Variants in FGF12 observed in about 807,000 individuals in gnomAD.
The protein encoded by FGF12 is fibroblast growth factor 12B.
FGF12 carries 14 observed loss-of-function variants against 23.6 expected under a neutral mutation model. That is an observed-to-expected ratio of 0.59 (90% CI 0.39 to 0.93). The LOEUF (loss-of-function observed/expected upper bound fraction) is 0.93. FGF12 is among the 40% of genes least tolerant of loss of function. The pLI, the probability that FGF12 is intolerant of heterozygous loss-of-function variation, is 0.00. For synonymous variants in FGF12, 62 were observed against 77.3 expected, an observed-to-expected ratio of 0.80 and a Z score of 1.04; for missense variants, 175 against 217.8, an observed-to-expected ratio of 0.80 and a Z score of 1.24.
chr3:192,595,373 A>C (rs923270537), intron 2 of FGF12, among the ~76,000 whole-genome samples: 2 of 152,204 alleles, frequency 1.3e-5, no homozygotes, highest in Non-Finnish European at 2.9e-5. Flanking sequence ...TCTCCAATTC[A>C]ACACAGTTTC....
chr3:192,230,758 A>C (rs964458178), intron 4 of FGF12, among the ~76,000 whole-genome samples: 13 of 152,070 alleles, frequency 8.5e-5, no homozygotes, highest in African/African-American at 2.7e-4. Context: ...ATAGGGTAAC[A>C]GTCTCCATGT....
At chr3:192,660,985 A>T (rs1577105755) in intron 2 of FGF12, among the ~76,000 whole-genome samples, 1 of 88,748 alleles carries the variant, frequency 1.1e-5, no homozygotes, top group Non-Finnish European at 2.4e-5. Flanking sequence ...CTAGTTCTTT[A>T]AAAAAAAAAT....
chr3:192,280,280 T>C (rs1714067493), intron 4 of FGF12, among the ~76,000 whole-genome samples: 1 of 152,180 alleles, frequency 6.6e-6, no homozygotes, highest in Admixed American at 6.5e-5. Flanking sequence ...TATTTCCTTG[T>C]CATAGCTTAG....
chr3:192,608,372 T>C (rs1441178435), intron 2 of FGF12, among the ~76,000 whole-genome samples: 1 of 152,128 alleles, frequency 6.6e-6, no homozygotes, highest in African/African-American at 2.4e-5. Context: ...CTTGATATGA[T>C]TATTATGCAT....
intron 2 of FGF12, among the ~76,000 whole-genome samples, chr3:192,627,148 G>A (rs890934209): frequency 2.0e-5 from 3 of 152,062 alleles, no homozygotes; most frequent in African/African-American, 7.2e-5. Context: ...CCATAGAGAG[G>A]TTTAGCAATT....
At chr3:192,226,986 G>A (rs1245805796) in intron 4 of FGF12, among the ~76,000 whole-genome samples, 2 of 152,064 alleles carry the variant, frequency 1.3e-5, no homozygotes, top group South Asian at 4.1e-4. Context: ...CCCTCCTTCC[G>A]TGGGAGGATG....
chr3:192,373,724 T>C (rs1434928422), intron 2 of FGF12, among the ~76,000 whole-genome samples: 1 of 152,168 alleles, frequency 6.6e-6, no homozygotes, highest in African/African-American at 2.4e-5. Flanking sequence ...TACAGGGAAC[T>C]GCCACTGTGA....
intron 2 of FGF12, among the ~76,000 whole-genome samples, chr3:192,624,993 A>T (rs566155011): frequency 3.3e-4 from 51 of 152,244 alleles, no homozygotes; most frequent in African/African-American, 1.2e-3. Flanking sequence ...TCTACTTAAC[A>T]AGCTTGGGAA....
chr3:192,660,145 T>C (rs1275663368), intron 2 of FGF12, among the ~76,000 whole-genome samples: 1 of 150,684 alleles, frequency 6.6e-6, no homozygotes, highest in Admixed American at 6.6e-5. Flanking sequence ...ATTAAGAAAA[T>C]GTGGCACATA....
At chr3:192,189,232 C>T (rs77951832) in intron 4 of FGF12, among the ~76,000 whole-genome samples, 11,215 of 152,186 alleles carry the variant, frequency 0.074, 602 homozygotes, top group South Asian at 0.23. Flanking sequence ...CCTTTACTTC[C>T]CATACTTGGA....
chr3:192,352,929 C>T (rs1017024891), intron 3 of FGF12, among the ~76,000 whole-genome samples: 1 of 152,186 alleles, frequency 6.6e-6, no homozygotes. Flanking sequence ...GATTTGCAAA[C>T]TGATGATTTC....
At chr3:192,376,094 G>C (rs6797520) in intron 2 of FGF12, among the ~76,000 whole-genome samples, 25,104 of 151,922 alleles carry the variant, frequency 0.17, 2,425 homozygotes, top group East Asian at 0.39. Context: ...TAGATGATCT[G>C]ACATTGTATC....
intron 2 of FGF12, among the ~76,000 whole-genome samples, chr3:192,503,520 T>C (rs932192548): frequency 6.6e-6 from 1 of 151,978 alleles, no homozygotes; most frequent in Non-Finnish European, 1.5e-5. Context: ...AAAAACCAAA[T>C]TGAATTTTTT....
intron 2 of FGF12, among the ~76,000 whole-genome samples, chr3:192,444,724 T>C (rs1251244063): frequency 2.0e-5 from 3 of 152,174 alleles, no homozygotes; most frequent in African/African-American, 7.2e-5. Flanking sequence ...GGAAATTGCT[T>C]CCCTCTGCGA....
At chr3:192,476,838 T>C (rs188962620) in intron 2 of FGF12, among the ~76,000 whole-genome samples, 179 of 152,284 alleles carry the variant, frequency 1.2e-3, no homozygotes, top group South Asian at 8.1e-3. Context: ...TAGAGAGCCA[T>C]TGAATGGCTC....
chr3:192,464,653 A>C (rs766401534), intron 2 of FGF12, among the ~76,000 whole-genome samples: 2 of 152,000 alleles, frequency 1.3e-5, no homozygotes, highest in Non-Finnish European at 2.9e-5. Flanking sequence ...TTTTTCACAT[A>C]ATGACTTCTT....
At chr3:192,346,552 AC>A (rs1215748055) in intron 3 of FGF12, among the ~76,000 whole-genome samples, 3 of 151,760 alleles carry the variant, frequency 2.0e-5, no homozygotes, top group Non-Finnish European at 4.4e-5. Context: ...AAAATGTAAA[AC>A]CTTTTATGCT....
intron 2 of FGF12, chr3:192,673,320 A>T (rs2108697396): frequency 6.6e-6 from 1 of 151,294 alleles, no homozygotes; most frequent in East Asian, 1.9e-4. Flanking sequence ...AAATCAGTTA[A>T]GTATTATAAT....
chr3:192,516,299 A>T (rs140651489), intron 2 of FGF12, among the ~76,000 whole-genome samples: 20 of 152,318 alleles, frequency 1.3e-4, no homozygotes, highest in African/African-American at 4.3e-4. Flanking sequence ...CAGTGAACTC[A>T]GCAGCTCCCT....
Sources: allele counts gnomAD v4.1 joint callset (sites outside exome capture counted in the v4.1 genomes callset), GRCh38; gene constraint gnomAD v4.1.1; transcripts MANE v1.5; gene names NCBI Gene and HGNC (gene_info 2026-07-23, HGNC 2026-07-21).